The following VGLL3 variants were observed in gnomAD, a reference collection of about 807,000 sequenced individuals.
The protein encoded by VGLL3 is vestigial like family member 3, also known as transcription cofactor vestigial-like protein 3.
A neutral mutation model predicts 29.2 loss-of-function variants in VGLL3; 18 were observed. That is an observed-to-expected ratio of 0.62 (90% CI 0.43 to 0.91). The LOEUF is 0.91. VGLL3 is among the 40% of genes least tolerant of loss of function. The pLI is 0.00. For missense variants in VGLL3, 440 were observed against 413.2 expected (o/e 1.06, Z -0.56); for synonymous variants, 180 against 151.8 (o/e 1.19, Z -1.36).
intron 3 of VGLL3, among the ~76,000 whole-genome samples, chr3:86,966,875 C>G (rs1704977431): frequency 7.2e-6 from 1 of 139,168 alleles, no homozygotes; most frequent in African/African-American, 2.7e-5. Context: ...TCATTCATAG[C>G]TCTGTAAGTA....
At chr3:86,965,685 C>A (rs1041465811) in intron 3 of VGLL3, among the ~76,000 whole-genome samples, 1 of 152,130 alleles carries the variant, frequency 6.6e-6, no homozygotes, top group African/African-American at 2.4e-5. Flanking sequence ...GCTGAACAAA[C>A]CCACCTGGCC....
At chr3:86,988,678 A>AGGAGC (rs1705508161) in intron 1 of VGLL3, among the ~76,000 whole-genome samples, 1 of 139,596 alleles carries the variant, frequency 7.2e-6, no homozygotes, top group Non-Finnish European at 1.5e-5. Context: ...AAAAAAAAAA[A>AGGAGC]AAAAAAAGAA....
chr3:86,990,562 A>G, intron 1 of VGLL3, 56 bp downstream of exon 1: 9 of 1,311,744 alleles, frequency 6.9e-6, no homozygotes, highest in Non-Finnish European at 8.8e-6. Flanking sequence ...CCCCAGACCG[A>G]TACTCTCGAT....
intron 3 of VGLL3, among the ~76,000 whole-genome samples, chr3:86,952,131 G>GA (rs948029712): frequency 1.3e-5 from 2 of 151,878 alleles, no homozygotes; most frequent in Admixed American, 1.3e-4. Flanking sequence ...CAACCCCAAG[G>GA]AAAAAAATGA....
Position 86,944,649 on chromosome 3 carries a change from C to G in VGLL3, c.*2375G>C, listed in dbSNP as rs931554677. 1 of 152,200 alleles carries G rather than the reference C, an allele frequency of 6.6e-6. No individual in the cohort carries two copies. The highest frequency in any genetic ancestry group is 1.5e-5 in the Non-Finnish European group (1 of 68,056). 9.4% of individuals were successfully genotyped at this position (152,200 alleles called of 1,614,324 possible). A position where few individuals can be genotyped will look rare whatever the true frequency, so the allele number is the denominator to read the frequency against. On this transcript the variant is annotated 3_prime_UTR_variant, in exon 4 of 4. Transcript: ENST00000398399. ...TTCTCAGTTCCTCAGAGCCAATAAACTTTTTGTCTGACAGTTACCGGGAGA... is the reference window on the plus strand; with the variant it reads ...TTCTCAGTTCCTCAGAGCCAATAAAGTTTTTGTCTGACAGTTACCGGGAGA...
chr3:86,970,196 A>T (rs1705064950), intron 2 of VGLL3, among the ~76,000 whole-genome samples: 1 of 152,210 alleles, frequency 6.6e-6, no homozygotes, highest in Admixed American at 6.5e-5. Context: ...TTTCCTACTC[A>T]ATCGTAATAA....
intron 1 of VGLL3, among the ~76,000 whole-genome samples, chr3:86,979,324 G>C (rs113625006): frequency 6.6e-6 from 1 of 152,134 alleles, no homozygotes; most frequent in Admixed American, 6.6e-5. Flanking sequence ...GGATTTGGCA[G>C]ATGTGCTGAA....
In VGLL3 at chr3:86,939,404, A is replaced by G. The variant is rs1171910671; in HGVS notation, c.*7620T>C. On this transcript the variant is annotated 3_prime_UTR_variant, in exon 4 of 4. Transcript: ENST00000398399. ...CACTTTGGGAGGCCAAGGCAGGCAG[A>G]TCACGAGGTCAGGAGACGGAGACCA... 6.6e-6 allele frequency: 1 copy of G among 152,354 alleles called. No individual in the cohort carries two copies. Among genetic ancestry groups the G allele is most frequent in the African/African-American group, 2.4e-5 (1 of 41,468 alleles). The allele number at this position is 152,354 out of a possible 1,614,324, so 9.4% of individuals were successfully genotyped here.
chr3:86,983,467 C>G (rs1398096057), intron 1 of VGLL3, among the ~76,000 whole-genome samples: 1 of 152,210 alleles, frequency 6.6e-6, no homozygotes, highest in Non-Finnish European at 1.5e-5. Context: ...CCACGGCTCA[C>G]TGCAGCCTCC....
At chr3:86,970,116 G>T (rs142822564) in intron 2 of VGLL3, among the ~76,000 whole-genome samples, 10 of 152,220 alleles carry the variant, frequency 6.6e-5, no homozygotes, top group Admixed American at 5.2e-4. Flanking sequence ...TGGGGAGAGG[G>T]AAATATCAAA....
rs370380234 is a variant in VGLL3 at position 86,940,893 on chromosome 3, T to G, written c.*6131A>C. ...ATGACAGCATAACTAAGGTTAATTTTTATTTCTGGAAACACAAAATTAAGG... is the reference window on the plus strand; with the variant it reads ...ATGACAGCATAACTAAGGTTAATTTGTATTTCTGGAAACACAAAATTAAGG... On this transcript the variant is annotated 3_prime_UTR_variant, in exon 4 of 4. Coordinates refer to ENST00000398399, the MANE Select transcript of VGLL3 (RefSeq NM_016206.4). 6.6e-6 allele frequency: 1 copy of G among 152,436 alleles called. No homozygotes were observed. Among genetic ancestry groups the G allele is most frequent in the African/African-American group, 2.4e-5 (1 of 41,456 alleles). The allele number at this position is 152,436 out of a possible 1,614,324, so 9.4% of individuals were successfully genotyped here.
rs1704402945 is a variant in VGLL3 at position 86,941,761 on chromosome 3, G to A, written c.*5263C>T. The stretch of plus-strand genomic sequence containing the variant: ...TTCTGTAGGTTGTAAAAGTGTACAT[G>A]GTGCAATTCCCAGAGAGCACTACAA... On this transcript the variant is annotated 3_prime_UTR_variant, in exon 4 of 4. Transcript: ENST00000398399. 1 of 151,966 alleles carries A rather than the reference G, an allele frequency of 6.6e-6. No homozygotes were observed. The highest frequency in any genetic ancestry group is 1.5e-5 in the Non-Finnish European group (1 of 67,952). 9.4% of individuals were successfully genotyped at this position (151,966 alleles called of 1,614,324 possible).
In VGLL3 at chr3:86,990,604, G is replaced by C. The variant is rs1705562835; in HGVS notation, c.126+14C>G. 7.5e-7 allele frequency: 1 copy of C among 1,336,926 alleles called. No individual in the cohort carries two copies. Among genetic ancestry groups the C allele is most frequent in the Non-Finnish European group, 9.7e-7 (1 of 1,034,904 alleles). The allele number at this position is 1,336,926 out of a possible 1,614,324, so 82.8% of individuals were successfully genotyped here. A position where few individuals can be genotyped will look rare whatever the true frequency, so the allele number is the denominator to read the frequency against. On this transcript the variant is annotated intron_variant, in intron 1 of 3. Transcript: ENST00000398399. ...CGCCCCCGCCCCCAGCAGGCTGCCC[G>C]TCCGGTGACTCACCTGCTGGCCAGG...
At chr3:86,969,887 A>C (rs1705056588) in intron 2 of VGLL3, among the ~76,000 whole-genome samples, 1 of 152,022 alleles carries the variant, frequency 6.6e-6, no homozygotes, top group South Asian at 2.1e-4. Flanking sequence ...TGATGAGAAA[A>C]TCCCAGTAGA....
Position 86,940,646 on chromosome 3 carries a change from A to T in VGLL3, c.*6378T>A, listed in dbSNP as rs1704376015. 6.6e-6 allele frequency: 1 copy of T among 152,482 alleles called. No individual in the cohort carries two copies. The highest frequency in any genetic ancestry group is 2.1e-4 in the South Asian group (1 of 4,834). The allele number at this position is 152,482 out of a possible 1,614,324, so 9.4% of individuals were successfully genotyped here. A position where few individuals can be genotyped will look rare whatever the true frequency, so the allele number is the denominator to read the frequency against. ...AAATACAAACATTCAATTCACATTA[A>T]ATTATTTATTGAACAAATTGAAGAT... On this transcript the variant is annotated 3_prime_UTR_variant, in exon 4 of 4. Coordinates refer to ENST00000398399, the MANE Select transcript of VGLL3 (RefSeq NM_016206.4).
intron 2 of VGLL3, 31 bp downstream of exon 2, chr3:86,978,495 C>A (rs751163569): frequency 2.5e-6 from 4 of 1,606,230 alleles, no homozygotes; most frequent in South Asian, 1.1e-5. Flanking sequence ...AAAGACAGTG[C>A]CCTGGAGAAC....
rs138447645 is a variant in VGLL3 at position 86,978,998 on chromosome 3, A to G, written c.127-196T>C. ...TTCCCACACTAAAAAAAATACAACAAAAACTCTGTGATTCTACATTTGGCA... is the reference window on the plus strand; with the variant it reads ...TTCCCACACTAAAAAAAATACAACAGAAACTCTGTGATTCTACATTTGGCA... On this transcript the variant is annotated intron_variant, in intron 1 of 3. Transcript: ENST00000398399. Among the ~76,000 whole-genome samples, 623 of 152,296 alleles carry G rather than the reference A, an allele frequency of 4.1e-3. 6 individuals carry two copies. Among genetic ancestry groups the G allele is most frequent in the African/African-American group, 0.014 (587 of 41,558 alleles).
intron 3 of VGLL3, among the ~76,000 whole-genome samples, chr3:86,955,352 C>G (rs1302408542): frequency 6.6e-6 from 1 of 150,498 alleles, no homozygotes; most frequent in Non-Finnish European, 1.5e-5. Flanking sequence ...GCATTGACAT[C>G]AGAAACTTTT....
chr3:86,968,524 C>T (rs770290929), intron 3 of VGLL3, 66 bp downstream of exon 3: 9 of 1,500,426 alleles, frequency 6.0e-6, no homozygotes, highest in Non-Finnish European at 8.0e-6. Flanking sequence ...AATTTCAAAA[C>T]AAATTTCCAC....
Sources: gnomAD v4.1 joint callset for allele counts (sites outside exome capture counted in the v4.1 genomes callset) on GRCh38, gnomAD v4.1.1 for gene constraint, MANE v1.5 for transcripts, NCBI Gene and HGNC (gene_info 2026-07-23, HGNC 2026-07-21) for gene names.